Variants in CFAP20DC observed in about 807,000 individuals in gnomAD.
CFAP20DC encodes the protein protein CFAP20DC.
CFAP20DC carries 84 observed loss-of-function variants against 101.7 expected under a neutral mutation model. The ratio of observed to expected loss-of-function variants is 0.83; its 90% CI spans 0.69 to 0.99. The LOEUF is 0.99. CFAP20DC is among the 50% of genes least tolerant of loss of function. The pLI, the probability that CFAP20DC is intolerant of heterozygous loss-of-function variation, is 0.00. For synonymous variants in CFAP20DC, 359 were observed against 351.2 expected (o/e 1.02, Z -0.25); for missense variants, 1,007 against 970.3 (o/e 1.04, Z -0.50).
At chr3:58,893,043 A>AT (rs1184405114) in intron 6 of CFAP20DC, among the ~76,000 whole-genome samples, 11,538 of 132,430 alleles carry the variant, frequency 0.087, 601 homozygotes, top group Admixed American at 0.19. Flanking sequence ...AACATGAAGG[A>AT]TTTTTTTTTT....
chr3:58,812,317 A>C (rs549952503), intron 14 of CFAP20DC, among the ~76,000 whole-genome samples: 3 of 152,282 alleles, frequency 2.0e-5, no homozygotes, highest in Non-Finnish European at 4.4e-5. Context: ...AATGTCCAAC[A>C]ATGATAGAAT....
chr3:59,015,297 G>A lies in CFAP20DC; in HGVS notation c.278+24260C>T, dbSNP rs967746686. On this transcript the variant is annotated intron_variant, in intron 4 of 16. Transcript: ENST00000482387. This position sits in a 1 kb window ranked among gnomAD's most constrained non-coding sequence, Gnocchi z 5.4. ...TAAGTTTACTCCCACAGGAGTAGAA[G>A]TGAGAGAAGGAAGAGAAGCAGCTGG... is the stretch of plus-strand genomic sequence containing the variant. Among the ~76,000 whole-genome samples the A allele has an allele frequency of 3.3e-5, 5 of 151,984 alleles. No homozygotes were observed. Among genetic ancestry groups the A allele is most frequent in the African/African-American group, 1.2e-4 (5 of 41,374 alleles).
chr3:58,737,481 TAAAA>T (rs1224564494), downstream of CFAP20DC, among the ~76,000 whole-genome samples: 1 of 152,136 alleles, frequency 6.6e-6, no homozygotes, highest in Non-Finnish European at 1.5e-5. This position sits in a 1 kb window ranked among gnomAD's most constrained non-coding sequence, Gnocchi z 4.1. Context: ...TGTGAGTGGA[TAAAA>T]CCCTTGAGAT....
chr3:58,780,153 T>C (rs1232499477), intron 15 of CFAP20DC, among the ~76,000 whole-genome samples: 1 of 152,100 alleles, frequency 6.6e-6, no homozygotes, highest in African/African-American at 2.4e-5. Flanking sequence ...ATAAAATCTT[T>C]GTCAGACAAG....
intron 4 of CFAP20DC, among the ~76,000 whole-genome samples, chr3:59,016,658 T>A (rs542842658): frequency 6.6e-6 from 1 of 152,262 alleles, no homozygotes; most frequent in African/African-American, 2.4e-5. Flanking sequence ...GTATGTACAA[T>A]TGTTACTTGT....
intron 15 of CFAP20DC, among the ~76,000 whole-genome samples, chr3:58,805,922 T>G (rs1241016924): frequency 6.6e-6 from 1 of 152,200 alleles, no homozygotes; most frequent in Non-Finnish European, 1.5e-5. Context: ...GACTGGTCAT[T>G]TGAACTTTTA....
chr3:58,801,625 A>G (rs1203792236), intron 15 of CFAP20DC, among the ~76,000 whole-genome samples: 9 of 146,084 alleles, frequency 6.2e-5, no homozygotes, highest in African/African-American at 2.3e-4. Context: ...ACTGGAGAGG[A>G]AAAAAAAAAA....
intron 15 of CFAP20DC, among the ~76,000 whole-genome samples, chr3:58,798,870 T>C (rs1426163612): frequency 6.6e-6 from 1 of 152,212 alleles, no homozygotes; most frequent in African/African-American, 2.4e-5. Flanking sequence ...AGCAGTTTTT[T>C]AGCAATAAAG....
chr3:59,031,525 G>C (rs1256903777), intron 4 of CFAP20DC, among the ~76,000 whole-genome samples: 1 of 152,182 alleles, frequency 6.6e-6, no homozygotes, highest in Non-Finnish European at 1.5e-5. Flanking sequence ...GAACCAGAAA[G>C]TGATACGTGA....
chr3:58,806,577 T>A, intron 14 of CFAP20DC, 121 bp from the exon 15 acceptor site: 1 of 730,780 alleles, frequency 1.4e-6, no homozygotes, highest in South Asian at 1.5e-5. Context: ...AGGGTATGGG[T>A]GGGAGGGCAG....
At chr3:58,939,511 T>C (rs1191416767) in intron 4 of CFAP20DC, among the ~76,000 whole-genome samples, 7 of 152,076 alleles carry the variant, frequency 4.6e-5, no homozygotes, top group Non-Finnish European at 1.0e-4. Context: ...CAGGCTGGAG[T>C]GCAGTGGCGC....
chr3:58,854,609 A>T (rs2078588757), intron 12 of CFAP20DC, among the ~76,000 whole-genome samples: 1 of 152,196 alleles, frequency 6.6e-6, no homozygotes. Context: ...CAGTAACCAA[A>T]ACAGCATGGT....
intron 15 of CFAP20DC, among the ~76,000 whole-genome samples, chr3:58,762,030 A>G (rs2069662476): frequency 6.6e-6 from 1 of 152,058 alleles, no homozygotes. Flanking sequence ...TGGGGTGGAG[A>G]GTTCTGTAGA....
chr3:58,797,330 T>C (rs1466804149), intron 15 of CFAP20DC, among the ~76,000 whole-genome samples: 1 of 152,170 alleles, frequency 6.6e-6, no homozygotes, highest in Non-Finnish European at 1.5e-5. Flanking sequence ...ACAGCTTTAA[T>C]TGGTGATATG....
In CFAP20DC at chr3:58,897,408, A is replaced by G. The variant is rs1181350481; in HGVS notation, c.551-12699T>C. Among the ~76,000 whole-genome samples, 1 of 152,160 alleles carries G rather than the reference A, an allele frequency of 6.6e-6. No individual in the cohort carries two copies. Among genetic ancestry groups the G allele is most frequent in the African/African-American group, 2.4e-5 (1 of 41,444 alleles). ...GTTACGTGGGAATTTGATCCTGTCA[A>G]CATGATAGCTGGTTATTTTGCAGAT... On this transcript the variant is annotated intron_variant, in intron 6 of 16. Transcript: ENST00000482387. The surrounding 1 kb of genome is among the most constrained non-coding windows in gnomAD (Gnocchi z 4.4).
At chr3:58,926,234 CA>C (rs374296309) in intron 5 of CFAP20DC, among the ~76,000 whole-genome samples, 32 of 151,798 alleles carry the variant, frequency 2.1e-4, no homozygotes, top group African/African-American at 7.5e-4. Context: ...GGTGTGATGG[CA>C]GCCGCCTATA....
rs1438716393 is a variant in CFAP20DC, at chr3:58,815,934, T to C, written c.2176-9478A>G. 1.5e-4 allele frequency among the ~76,000 whole-genome samples: 22 copies of C among 151,624 alleles called. 2 individuals carry two copies. Among genetic ancestry groups the C allele is most frequent in the South Asian group, 6.2e-4 (3 of 4,818 alleles). ...CTGGGACTGTAAACTAGTTCAACCA[T>C]TGTGGAAGTCAGTGTGGCGACTCCT... On this transcript the variant is annotated intron_variant, in intron 14 of 16. Transcript: ENST00000482387.
At chr3:58,855,422 A>T (rs1157377449) in intron 12 of CFAP20DC, among the ~76,000 whole-genome samples, 1 of 152,180 alleles carries the variant, frequency 6.6e-6, no homozygotes, top group Non-Finnish European at 1.5e-5. Context: ...TGTGGAAGTC[A>T]GTGTGGCGAT....
intron 6 of CFAP20DC, among the ~76,000 whole-genome samples, chr3:58,905,129 G>A (rs1000999574): frequency 6.6e-6 from 1 of 152,120 alleles, no homozygotes; most frequent in African/African-American, 2.4e-5. Flanking sequence ...ACAGAGCACA[G>A]AATATTTGAG....
Sources: gnomAD v4.1 joint callset for allele counts (sites outside exome capture counted in the v4.1 genomes callset) on GRCh38, gnomAD v4.1.1 for gene constraint, Gnocchi (gnomAD v3.1) non-coding constraint, MANE v1.5 for transcripts, NCBI Gene and HGNC (gene_info 2026-07-23, HGNC 2026-07-21) for gene names.